FMNL2: variants seen among roughly 807,000 people sequenced by gnomAD.
The protein encoded by FMNL2 is formin-like protein 2.
In FMNL2, 51 loss-of-function variants were observed where a neutral mutation model predicts 130.2. The observed-to-expected ratio is 0.39, with a 90% CI of 0.31 to 0.49. FMNL2 has a LOEUF of 0.49. Among genes scored for constraint, FMNL2 ranks in the 20% least tolerant of loss-of-function variants. The pLI, the probability that FMNL2 is intolerant of heterozygous loss-of-function variation, is 0.85. For synonymous variants in FMNL2, 465 were observed against 467.1 expected, an observed-to-expected ratio of 1.00 and a Z score of 0.06; for missense variants, 977 against 1,316.2, an observed-to-expected ratio of 0.74 and a Z score of 3.99.
At chr2:152,350,305 A>G (rs1310244111) in intron 1 of FMNL2, among the ~76,000 whole-genome samples, 1 of 152,178 alleles carries the variant, frequency 6.6e-6, no homozygotes, top group Non-Finnish European at 1.5e-5. Flanking sequence ...CTCAGCCCAG[A>G]CAGCTTCAGA....
At chr2:152,484,632 A>C (rs1419375519) in intron 1 of FMNL2, among the ~76,000 whole-genome samples, 1 of 152,064 alleles carries the variant, frequency 6.6e-6, no homozygotes, top group African/African-American at 2.4e-5. Context: ...TTAGCCGAGC[A>C]TGGTGGGTAG....
intron 9 of FMNL2, among the ~76,000 whole-genome samples, chr2:152,587,665 G>C (rs1697159012): frequency 6.6e-6 from 1 of 152,176 alleles, no homozygotes; most frequent in South Asian, 2.1e-4. Context: ...TAATGAACTA[G>C]TTATTTCTTT....
intron 1 of FMNL2, among the ~76,000 whole-genome samples, chr2:152,426,475 A>G (rs541226344): frequency 3.5e-4 from 53 of 152,334 alleles, no homozygotes; most frequent in Non-Finnish European, 6.6e-4. Context: ...CAGTGCCTCA[A>G]GCATTGTTTG....
chr2:152,560,850 T>G, intron 5 of FMNL2, 33 bp from the exon 6 acceptor site: 1 of 1,584,336 alleles, frequency 6.3e-7, no homozygotes, highest in African/African-American at 1.3e-5. Context: ...TGTGAATTTT[T>G]CAGTCTTCAA....
At position 152,640,689 on chromosome 2, in the gene FMNL2, C is replaced by T. The variant is rs1028659097; in HGVS notation, c.3046-102C>T. The T allele has an allele frequency of 2.7e-5, 39 of 1,422,794 alleles. No individual in the cohort carries two copies. The Admixed American group carries it at 4.7e-4, about 17-fold the overall frequency. 88.1% of individuals were successfully genotyped at this position (1,422,794 alleles called of 1,614,324 possible). A position where few individuals can be genotyped will look rare whatever the true frequency, so the allele number is the denominator to read the frequency against. ...TGTGGGATGTGTGTGTGTTTTTGGC[C>T]GAAGCTGCTTATTAGTAACATAATG... On this transcript the variant is annotated intron_variant, in intron 24 of 25. Coordinates refer to ENST00000288670, the MANE Select transcript of FMNL2 (RefSeq NM_052905.4).
chr2:152,639,832 ATCT>A, intron 23 of FMNL2, 123 bp from the exon 24 acceptor site: 1 of 777,568 alleles, frequency 1.3e-6, no homozygotes. Flanking sequence ...TAAAGTGTAG[ATCT>A]TCTCAACCTT....
In FMNL2 at chr2:152,575,555, C is replaced by T. The variant is rs147166325; in HGVS notation, c.705+311C>T. 2.8e-3 allele frequency among the ~76,000 whole-genome samples: 433 copies of T among 152,178 alleles called. 1 individual carries two copies. The highest frequency in any genetic ancestry group is 0.01 in the African/African-American group (424 of 41,520). On this transcript the variant is annotated intron_variant, in intron 7 of 25. Coordinates refer to ENST00000288670, the MANE Select transcript of FMNL2 (RefSeq NM_052905.4). ...CGAGATTCTATTAAAAAAGAAAGGC[C>T]TGGTTCATCCTAATTCTCAAGGTTT... is the stretch of plus-strand genomic sequence containing the variant.
chr2:152,610,253 A>G (rs1698605395), intron 10 of FMNL2, among the ~76,000 whole-genome samples: 2 of 152,230 alleles, frequency 1.3e-5, no homozygotes, highest in South Asian at 2.1e-4. Flanking sequence ...TTTGTACAAC[A>G]TAACTATAAT....
intron 6 of FMNL2, among the ~76,000 whole-genome samples, chr2:152,574,000 A>G (rs755201999): frequency 1.3e-5 from 2 of 152,218 alleles, no homozygotes; most frequent in Non-Finnish European, 2.9e-5. Flanking sequence ...ATATTATTCT[A>G]ATTAATTTTG....
intron 10 of FMNL2, among the ~76,000 whole-genome samples, chr2:152,608,710 G>A (rs923866862): frequency 6.6e-6 from 1 of 151,946 alleles, no homozygotes; most frequent in Non-Finnish European, 1.5e-5. Context: ...AAAGAGATTG[G>A]TGCCTTGTCT....
intron 1 of FMNL2, among the ~76,000 whole-genome samples, chr2:152,423,094 A>G (rs908930674): frequency 1.3e-5 from 2 of 152,174 alleles, no homozygotes; most frequent in South Asian, 4.1e-4. Flanking sequence ...GGTACATGAG[A>G]TGTTTTGGTA....
intron 9 of FMNL2, among the ~76,000 whole-genome samples, chr2:152,600,294 GC>G (rs1443996475): frequency 6.6e-6 from 1 of 152,182 alleles, no homozygotes; most frequent in African/African-American, 2.4e-5. Context: ...ATTGAGGCAG[GC>G]GCCAGGCAAC....
At chr2:152,445,878 T>G (rs1055316237) in intron 1 of FMNL2, among the ~76,000 whole-genome samples, 2 of 152,170 alleles carry the variant, frequency 1.3e-5, no homozygotes, top group Non-Finnish European at 2.9e-5. Flanking sequence ...AGCAGCCTAG[T>G]ACCTCCCCTC....
intron 1 of FMNL2, among the ~76,000 whole-genome samples, chr2:152,366,906 G>A (rs902400062): frequency 6.6e-5 from 10 of 152,100 alleles, no homozygotes; most frequent in African/African-American, 2.2e-4. Flanking sequence ...GGAGGTTGAG[G>A]CCTTCATCTG....
chr2:152,647,574 A>G (rs1205678958), intron 25 of FMNL2, among the ~76,000 whole-genome samples: 1 of 152,242 alleles, frequency 6.6e-6, no homozygotes, highest in East Asian at 1.9e-4. Context: ...TTTTTCTCTC[A>G]AAGTCCTAGA....
chr2:152,608,977 CT>C (rs10717513), intron 10 of FMNL2, among the ~76,000 whole-genome samples: 82,013 of 151,904 alleles, frequency 0.54, 22,430 homozygotes, highest in East Asian at 0.75. Flanking sequence ...CAAGCAGCCC[CT>C]ATTGCTTTAG....
intron 9 of FMNL2, among the ~76,000 whole-genome samples, chr2:152,604,079 A>G (rs1361614587): frequency 6.6e-6 from 1 of 151,062 alleles, no homozygotes; most frequent in Non-Finnish European, 1.5e-5. Flanking sequence ...TTTCTGGTGC[A>G]GGGATGTCAA....
chr2:152,429,313 C>G (rs1444422190), intron 1 of FMNL2, among the ~76,000 whole-genome samples: 1 of 152,036 alleles, frequency 6.6e-6, no homozygotes. Context: ...CTTTCTAGGC[C>G]GGTGCCCCTG....
At chr2:152,363,097 G>GA (rs1683272853) in intron 1 of FMNL2, among the ~76,000 whole-genome samples, 1 of 152,202 alleles carries the variant, frequency 6.6e-6, no homozygotes, top group Non-Finnish European at 1.5e-5. Flanking sequence ...CGATGAAAAT[G>GA]TTCTAAAATT....
Sources: gnomAD v4.1 joint callset for allele counts (sites outside exome capture counted in the v4.1 genomes callset) on GRCh38, gnomAD v4.1.1 for gene constraint, MANE v1.5 for transcripts, NCBI Gene and HGNC (gene_info 2026-07-23, HGNC 2026-07-21) for gene names.